ANKRD6: variants seen among roughly 807,000 people sequenced by gnomAD.
ANKRD6 encodes the protein ankyrin repeat domain 6, also known as ankyrin repeat domain-containing protein 6.
In ANKRD6, 56 loss-of-function variants were observed where a neutral mutation model predicts 82.3. The observed-to-expected ratio is 0.68, with a 90% CI of 0.55 to 0.85. ANKRD6 has a LOEUF of 0.85. Ranked by LOEUF, ANKRD6 falls within the 40% of genes least tolerant of loss-of-function variation. The probability of loss-of-function intolerance (pLI) is 0.00; values close to 1 mark genes in which losing one functional copy is unlikely to be tolerated. For synonymous variants in ANKRD6, 347 were observed against 352.1 expected, an observed-to-expected ratio of 0.99 and a Z score of 0.16; for missense variants, 852 against 907.6, an observed-to-expected ratio of 0.94 and a Z score of 0.79.
intron 1 of ANKRD6, among the ~76,000 whole-genome samples, chr6:89,434,464 A>T (rs887858575): frequency 6.6e-6 from 1 of 152,150 alleles, no homozygotes; most frequent in African/African-American, 2.4e-5. Flanking sequence ...TCCCCAAAAC[A>T]CCAATAGCAG....
chr6:89,536,462 A>G (rs1783851146), intron 1 of ANKRD6, among the ~76,000 whole-genome samples: 1 of 152,196 alleles, frequency 6.6e-6, no homozygotes, highest in South Asian at 2.1e-4. Context: ...GCTGCCATGA[A>G]CTCAACTCTG....
intron 1 of ANKRD6, among the ~76,000 whole-genome samples, chr6:89,519,721 T>C (rs901299161): frequency 6.6e-6 from 1 of 152,226 alleles, no homozygotes; most frequent in Non-Finnish European, 1.5e-5. Flanking sequence ...CTTGGCATAT[T>C]TTAAATTCTT....
chr6:89,565,026 G>GGCA (rs1365061450), intron 1 of ANKRD6, among the ~76,000 whole-genome samples: 8 of 152,186 alleles, frequency 5.3e-5, no homozygotes, highest in African/African-American at 1.9e-4. Flanking sequence ...AATGAAAAGA[G>GGCA]GCAGCGCACC....
intron 1 of ANKRD6, among the ~76,000 whole-genome samples, chr6:89,471,420 G>A (rs1053900886): frequency 5.3e-5 from 8 of 149,968 alleles, no homozygotes; most frequent in Non-Finnish European, 8.9e-5. Context: ...GGAGTTACTA[G>A]CACCTGGAAG....
chr6:89,437,425 C>G (rs2127925394), intron 1 of ANKRD6, among the ~76,000 whole-genome samples: 1 of 152,296 alleles, frequency 6.6e-6, no homozygotes, highest in East Asian at 1.9e-4. Flanking sequence ...TCTTGGACTT[C>G]TGAATAGGGC....
At chr6:89,459,982 A>G (rs1245981981) in intron 1 of ANKRD6, among the ~76,000 whole-genome samples, 3 of 152,196 alleles carry the variant, frequency 2.0e-5, no homozygotes, top group African/African-American at 7.2e-5. Context: ...TATCCTTGGA[A>G]TATATCCTGG....
intron 9 of ANKRD6, chr6:89,619,685 CACAA>C (rs377026943): frequency 5.9e-5 from 9 of 152,312 alleles, no homozygotes; most frequent in African/African-American, 2.2e-4. Flanking sequence ...TTTTTCTCAA[CACAA>C]ACAAGGAACT....
At chr6:89,434,818 A>T (rs908375972) in intron 1 of ANKRD6, among the ~76,000 whole-genome samples, 6 of 152,280 alleles carry the variant, frequency 3.9e-5, no homozygotes, top group East Asian at 1.9e-4. Context: ...GTAACAAAAA[A>T]TTTTTTAAAA....
chr6:89,540,136 T>G (rs925233883), intron 1 of ANKRD6, among the ~76,000 whole-genome samples: 1 of 152,206 alleles, frequency 6.6e-6, no homozygotes, highest in Non-Finnish European at 1.5e-5. Context: ...TCCTTTCTTT[T>G]GGGAATGTAC....
rs541752768 is a variant in ANKRD6, at chr6:89,632,755, A to G, written c.*1751A>G. 6.6e-6 allele frequency: 1 copy of G among 152,238 alleles called. No individual in the cohort carries two copies. The highest frequency in any genetic ancestry group is 6.5e-5 in the Admixed American group (1 of 15,300). The allele number at this position is 152,238 out of a possible 1,614,324, so 9.4% of individuals were successfully genotyped here. On this transcript the variant is annotated 3_prime_UTR_variant, in exon 16 of 16. Coordinates refer to ENST00000339746, the MANE Select transcript of ANKRD6 (RefSeq NM_001242809.2). Reference sequence around the variant, plus strand: ...TATAGAGGCACTTTCTCATTTCCCTATTGTTCCTAATACAGAATTGTAGAG... The same window carrying G: ...TATAGAGGCACTTTCTCATTTCCCTGTTGTTCCTAATACAGAATTGTAGAG...
At chr6:89,539,761 A>G (rs1233181783) in intron 1 of ANKRD6, among the ~76,000 whole-genome samples, 4 of 143,674 alleles carry the variant, frequency 2.8e-5, no homozygotes, top group Non-Finnish European at 6.0e-5. Context: ...TTTTACACCC[A>G]TTAGCCATCC....
At chr6:89,553,584 G>T (rs1327748189) in intron 1 of ANKRD6, among the ~76,000 whole-genome samples, 1 of 152,172 alleles carries the variant, frequency 6.6e-6, no homozygotes, top group Admixed American at 6.5e-5. Flanking sequence ...CAGCTTCCTG[G>T]TTTTTTCAAG....
chr6:89,456,756 T>C (rs1404543228), intron 1 of ANKRD6, among the ~76,000 whole-genome samples: 6 of 152,228 alleles, frequency 3.9e-5, no homozygotes, highest in Non-Finnish European at 8.8e-5. Flanking sequence ...AGAAATTTTA[T>C]ATTAAAGTGT....
intron 10 of ANKRD6, among the ~76,000 whole-genome samples, chr6:89,623,023 G>C (rs1476069142): frequency 1.5e-5 from 1 of 67,704 alleles, no homozygotes; most frequent in South Asian, 8.5e-4. Flanking sequence ...AGTGGGGGGT[G>C]GGGGGGGCGG....
At chr6:89,527,962 A>G (rs962794776) in intron 1 of ANKRD6, among the ~76,000 whole-genome samples, 2 of 152,136 alleles carry the variant, frequency 1.3e-5, no homozygotes, top group African/African-American at 2.4e-5. Context: ...GGCACACACC[A>G]CAATGCCTGG....
At chr6:89,582,236 G>T (rs1037409310) in intron 2 of ANKRD6, among the ~76,000 whole-genome samples, 4 of 152,208 alleles carry the variant, frequency 2.6e-5, no homozygotes, top group African/African-American at 9.6e-5. Context: ...GAGATGGTGG[G>T]GGTGGAGTCT....
chr6:89,536,807 C>A (rs1661568228), intron 1 of ANKRD6, among the ~76,000 whole-genome samples: 1 of 152,164 alleles, frequency 6.6e-6, no homozygotes, highest in Non-Finnish European at 1.5e-5. Context: ...AAGACAGTTG[C>A]CTTCTTTTAC....
rs536434391 is a variant in ANKRD6, at chr6:89,598,709, G to A, written c.219+2695G>A. 5.7e-4 allele frequency among the ~76,000 whole-genome samples: 86 copies of A among 152,202 alleles called. 1 individual carries two copies. Among genetic ancestry groups the A allele is most frequent in the Non-Finnish European group, 1.1e-3 (72 of 68,036 alleles). On this transcript the variant is annotated intron_variant, in intron 3 of 15. Transcript: ENST00000339746. ...TGAGAGCTGGCAGTTCACGTACTTCGCAAATGGGTCAACATGTTCCAAATC... is the reference window on the plus strand; with the variant it reads ...TGAGAGCTGGCAGTTCACGTACTTCACAAATGGGTCAACATGTTCCAAATC...
intron 1 of ANKRD6, among the ~76,000 whole-genome samples, chr6:89,482,800 C>T (rs977670377): frequency 2.0e-5 from 3 of 152,166 alleles, no homozygotes; most frequent in Admixed American, 6.5e-5. Flanking sequence ...ATGATTTCTT[C>T]CTCATTGGAC....
Sources: gnomAD v4.1 joint callset for allele counts (sites outside exome capture counted in the v4.1 genomes callset) on GRCh38, gnomAD v4.1.1 for gene constraint, MANE v1.5 for transcripts, NCBI Gene and HGNC (gene_info 2026-07-23, HGNC 2026-07-21) for gene names.